Variants in TNIK observed in about 807,000 individuals in gnomAD.
TNIK encodes TRAF2 and NCK interacting kinase, also known as TRAF2 and NCK-interacting protein kinase.
In TNIK, 49 loss-of-function variants were observed where a neutral mutation model predicts 191.3. The ratio of observed to expected loss-of-function variants is 0.26; its 90% CI spans 0.20 to 0.32. The LOEUF (loss-of-function observed/expected upper bound fraction) is 0.32, where lower values mean the gene tolerates loss of function less well. Among genes scored for constraint, TNIK ranks in the 10% least tolerant of loss-of-function variants. The pLI is 1.00. For missense variants in TNIK, 1,155 were observed against 1,702.3 expected, an observed-to-expected ratio of 0.68 and a Z score of 5.66; for synonymous variants, 594 against 600.9, an observed-to-expected ratio of 0.99 and a Z score of 0.17.
intron 9 of TNIK, among the ~76,000 whole-genome samples, chr3:171,168,474 A>G (rs1734892323): frequency 1.3e-5 from 2 of 152,194 alleles, no homozygotes. Flanking sequence ...ATGTTCTTCA[A>G]CACTCAAACA....
chr3:171,169,582 T>TA (rs1273887693), intron 9 of TNIK, among the ~76,000 whole-genome samples: 3 of 152,158 alleles, frequency 2.0e-5, no homozygotes, highest in African/African-American at 7.2e-5. Context: ...TGCTTTTTTT[T>TA]ATAAAGTACT....
intron 12 of TNIK, among the ~76,000 whole-genome samples, chr3:171,156,907 C>T (rs1332918360): frequency 6.6e-6 from 1 of 152,182 alleles, no homozygotes; most frequent in African/African-American, 2.4e-5. Flanking sequence ...TCACTGTGAT[C>T]TAGTTAATAC....
At chr3:171,210,936 T>C (rs1740738605) in intron 4 of TNIK, among the ~76,000 whole-genome samples, 180 bp downstream of exon 4, 1 of 151,292 alleles carries the variant, frequency 6.6e-6, no homozygotes. Flanking sequence ...TTAGAGATCC[T>C]GAAAAGACAG....
At chr3:171,243,187 T>C (rs2109047085) in intron 2 of TNIK, among the ~76,000 whole-genome samples, 1 of 152,256 alleles carries the variant, frequency 6.6e-6, no homozygotes, top group Non-Finnish European at 1.5e-5. Context: ...CGAACTCCAC[T>C]TTCAGTGGAG....
rs368297566 is a variant in TNIK at position 171,169,481 on chromosome 3, T to C, written c.774-2211A>G. 1.3e-3 allele frequency among the ~76,000 whole-genome samples: 203 copies of C among 152,318 alleles called. 9 individuals are homozygous for C. In the South Asian group the frequency reaches 0.04, roughly 30 times the overall value. ...CAGGGTTTTGCCATGTTGACCAGGCTGGTCTCAAACTCCTGACCTCAGATG... is the reference window on the plus strand; with the variant it reads ...CAGGGTTTTGCCATGTTGACCAGGCCGGTCTCAAACTCCTGACCTCAGATG... On this transcript the variant is annotated intron_variant, in intron 9 of 32. Coordinates refer to ENST00000436636, the MANE Select transcript of TNIK (RefSeq NM_015028.4).
chr3:171,409,840 A>G (rs1287239691), intron 1 of TNIK, among the ~76,000 whole-genome samples: 2 of 150,662 alleles, frequency 1.3e-5, no homozygotes, highest in Non-Finnish European at 2.9e-5. Flanking sequence ...TAGTGCAAGC[A>G]GTATATTATG....
chr3:171,353,651 T>A (rs988972104), intron 2 of TNIK, among the ~76,000 whole-genome samples: 2 of 152,086 alleles, frequency 1.3e-5, no homozygotes, highest in African/African-American at 4.8e-5. Flanking sequence ...TTAAAAAAAA[T>A]AAAGAGATGG....
intron 2 of TNIK, chr3:171,347,012 C>G (rs1712311541): frequency 5.8e-6 from 5 of 857,614 alleles, no homozygotes; most frequent in Non-Finnish European, 8.6e-6. Context: ...CATCAAGGGA[C>G]AGTCCTGCAG....
At chr3:171,136,165 A>T (rs1293235849) in intron 15 of TNIK, among the ~76,000 whole-genome samples, 2 of 152,200 alleles carry the variant, frequency 1.3e-5, no homozygotes, top group Non-Finnish European at 2.9e-5. Context: ...ATCTTTTCCA[A>T]TGGGATCTGT....
chr3:171,064,180 T>C, intron 32 of TNIK: 1 of 513,944 alleles, frequency 1.9e-6, no homozygotes, highest in Non-Finnish European at 3.5e-6. Context: ...TATTGTGGTA[T>C]TGGTCTCCAG....
At chr3:171,102,681 AG>A (rs761196496) in intron 21 of TNIK, among the ~76,000 whole-genome samples, 11 of 152,288 alleles carry the variant, frequency 7.2e-5, no homozygotes, top group Non-Finnish European at 1.3e-4. Flanking sequence ...AGTGAGAGAC[AG>A]GGGATTAGGG....
intron 2 of TNIK, among the ~76,000 whole-genome samples, chr3:171,269,094 G>A (rs1407141922): frequency 6.6e-6 from 1 of 152,028 alleles, no homozygotes; most frequent in African/African-American, 2.4e-5. Context: ...AAGCTCATTT[G>A]AAAAACCTCA....
intron 3 of TNIK, among the ~76,000 whole-genome samples, chr3:171,212,577 G>A (rs1297371840): frequency 6.6e-6 from 1 of 152,112 alleles, no homozygotes; most frequent in Non-Finnish European, 1.5e-5. Context: ...GAATCATCAT[G>A]TATCTTTTCC....
chr3:171,144,474 GTTC>G (rs1030224435), intron 12 of TNIK, among the ~76,000 whole-genome samples: 4 of 151,814 alleles, frequency 2.6e-5, no homozygotes, highest in East Asian at 1.9e-4. Flanking sequence ...ATATTTAAAA[GTTC>G]TTATTTTAAA....
chr3:171,129,873 T>G (rs1210397514), intron 15 of TNIK, among the ~76,000 whole-genome samples: 1 of 152,224 alleles, frequency 6.6e-6, no homozygotes, highest in East Asian at 1.9e-4. Context: ...TGGCTTAAGA[T>G]CTTAGACAAC....
chr3:171,398,022 A>G (rs980419144), intron 1 of TNIK, among the ~76,000 whole-genome samples: 2 of 152,256 alleles, frequency 1.3e-5, no homozygotes, highest in African/African-American at 4.8e-5. Flanking sequence ...TATTTAATGA[A>G]TAAGAAATGC....
At chr3:171,285,202 A>T (rs1750882413) in intron 2 of TNIK, among the ~76,000 whole-genome samples, 1 of 152,218 alleles carries the variant, frequency 6.6e-6, no homozygotes, top group South Asian at 2.1e-4. Flanking sequence ...TCAAGCTGAT[A>T]ATTTTTTGAT....
At chr3:171,351,356 G>C (rs1441626378) in intron 2 of TNIK, among the ~76,000 whole-genome samples, 2 of 151,526 alleles carry the variant, frequency 1.3e-5, no homozygotes, top group Non-Finnish European at 2.9e-5. Context: ...TCCTATCACT[G>C]TAAAAACACT....
intron 8 of TNIK, among the ~76,000 whole-genome samples, chr3:171,176,984 A>G (rs1424696322): frequency 6.6e-6 from 1 of 152,230 alleles, no homozygotes; most frequent in Non-Finnish European, 1.5e-5. Context: ...ATTTTCATAC[A>G]TTGGAGTTTA....
Sources: allele counts gnomAD v4.1 joint callset (sites outside exome capture counted in the v4.1 genomes callset), GRCh38; gene constraint gnomAD v4.1.1; transcripts MANE v1.5; gene names NCBI Gene and HGNC (gene_info 2026-07-23, HGNC 2026-07-21).